The following JCAD variants were observed in gnomAD, a reference collection of about 807,000 sequenced individuals.
JCAD encodes junctional cadherin 5 associated, also known as junctional cadherin 5-associated protein.
Under a neutral mutation model 98.0 loss-of-function variants are expected in JCAD, and 40 were observed. That is an observed-to-expected ratio of 0.41 (90% confidence interval 0.32 to 0.53). The LOEUF is 0.53. JCAD is among the 20% of genes least tolerant of loss of function. The pLI, the probability that JCAD is intolerant of heterozygous loss-of-function variation, is 0.31. For synonymous variants in JCAD, 691 were observed against 682.3 expected (o/e 1.01, Z -0.20); for missense variants, 1,705 against 1,738.1 (o/e 0.98, Z 0.34).
chr10:30,039,143 T>C (rs1239494018), intron 2 of JCAD, among the ~76,000 whole-genome samples: 1 of 152,184 alleles, frequency 6.6e-6, no homozygotes, highest in Non-Finnish European at 1.5e-5. Flanking sequence ...GCAGACTCCC[T>C]AGAGGGCCAG....
intron 2 of JCAD, among the ~76,000 whole-genome samples, chr10:30,041,017 G>A (rs774352351): frequency 2.6e-5 from 4 of 152,052 alleles, no homozygotes; most frequent in East Asian, 3.9e-4. Flanking sequence ...CAGTGCTGCC[G>A]CTGGATCTTC....
intron 1 of JCAD, among the ~76,000 whole-genome samples, chr10:30,115,191 GCT>G (rs1250293606): frequency 6.6e-6 from 1 of 152,178 alleles, no homozygotes; most frequent in Admixed American, 6.5e-5. Flanking sequence ...TGATTCTGCA[GCT>G]CTCTCTCCAG....
At chr10:30,062,852 A>G (rs1837721923), upstream of JCAD, among the ~76,000 whole-genome samples, 1 of 152,204 alleles carries the variant, frequency 6.6e-6, no homozygotes, top group African/African-American at 2.4e-5. Context: ...ATTACAACCC[A>G]AGGTGAGATT....
chr10:30,074,410 T>C (rs1016929856), intron 1 of JCAD, among the ~76,000 whole-genome samples: 1 of 152,176 alleles, frequency 6.6e-6, no homozygotes, highest in Non-Finnish European at 1.5e-5. Flanking sequence ...CTGGCTTCCA[T>C]ATGTTCCCAA....
chr10:30,040,842 C>T (rs1476642824), intron 2 of JCAD, among the ~76,000 whole-genome samples: 1 of 152,062 alleles, frequency 6.6e-6, no homozygotes, highest in African/African-American at 2.4e-5. Context: ...AAGACCCACT[C>T]GGGTCTCTTT....
chr10:30,108,990 A>G (rs1419457168), intron 1 of JCAD, among the ~76,000 whole-genome samples: 2 of 152,178 alleles, frequency 1.3e-5, no homozygotes, highest in Non-Finnish European at 2.9e-5. Context: ...CCTTGGCCCA[A>G]CTTGCTGGTT....
At position 30,047,693 on chromosome 10, in the gene JCAD, G is replaced by T. The variant is rs1274031276; in HGVS notation, c.120C>A (p.Gly40=). ...RQAARTGTRA[G]QGLQNGHEDG... ...CCTCATGCCCGTTCTGCAGGCCCTG[G>T]CCTGCTCGTGTCCCAGTCCTCGCTG... Residue 40 remains glycine, a synonymous_variant, in exon 2 of 4, where the codon GGC becomes GGA. Transcript: ENST00000375377. The T allele has an allele frequency of 3.1e-6, 5 of 1,614,124 alleles. No homozygotes were observed. Among genetic ancestry groups the T allele is most frequent in the Non-Finnish European group, 8.5e-7 (1 of 1,180,050 alleles).
intron 1 of JCAD, among the ~76,000 whole-genome samples, chr10:30,089,640 A>G (rs965393443): frequency 1.3e-5 from 2 of 152,138 alleles, no homozygotes; most frequent in East Asian, 3.9e-4. Flanking sequence ...AGAGTTCATT[A>G]GATAATTGCT....
chr10:30,029,144 A>G lies in JCAD; in HGVS notation c.1004T>C (p.Leu335Ser), dbSNP rs376500823. 129 of 1,614,056 alleles carry G rather than the reference A, an allele frequency of 8.0e-5. No homozygotes were observed. Among genetic ancestry groups the G allele is most frequent in the Non-Finnish European group, 1.0e-4 (123 of 1,180,032 alleles). The stretch of plus-strand genomic sequence containing the variant: ...CGGAGGCACGTACACTGGAGGTTCC[A>G]ATCCAGGGTCTGACAGGCAGAGCTC... ...RHELCLSDPGLEPPVYVPPPS... is the reference protein window; with the variant it reads ...RHELCLSDPGSEPPVYVPPPS... Residue 335 changes from leucine to serine, a missense_variant, in exon 3 of 4, where the codon TTG becomes TCG. Around this residue, in one of 3 missense-constraint regions of JCAD, gnomAD observed 275 missense variants for 346.9 expected, o/e 0.79. Coordinates refer to ENST00000375377, the MANE Select transcript of JCAD (RefSeq NM_020848.4).
At chr10:30,087,979 T>C (rs1258225835) in intron 1 of JCAD, among the ~76,000 whole-genome samples, 4 of 152,204 alleles carry the variant, frequency 2.6e-5, no homozygotes, top group African/African-American at 9.6e-5. Flanking sequence ...TAGCTGGGAC[T>C]ACAGGCATGC....
intron 2 of JCAD, among the ~76,000 whole-genome samples, chr10:30,038,421 T>A (rs1185057264): frequency 1.3e-5 from 2 of 152,038 alleles, no homozygotes; most frequent in African/African-American, 4.8e-5. Context: ...CGGAGGTTCA[T>A]GCCTGTAATC....
At chr10:30,091,010 G>C (rs1838253071) in intron 1 of JCAD, among the ~76,000 whole-genome samples, 1 of 152,158 alleles carries the variant, frequency 6.6e-6, no homozygotes, top group African/African-American at 2.4e-5. Context: ...CAGACCACAG[G>C]TGCACACGCT....
chr10:30,044,716 A>C, intron 2 of JCAD: 2 of 454,186 alleles, frequency 4.4e-6, no homozygotes, highest in Non-Finnish European at 5.7e-6. Flanking sequence ...TTAACTATTG[A>C]CACCTATTTA....
intron 2 of JCAD, among the ~76,000 whole-genome samples, chr10:30,032,468 T>C (rs945302196): frequency 1.3e-4 from 20 of 152,156 alleles, no homozygotes; most frequent in African/African-American, 4.8e-4. Context: ...ACTAGGGCCA[T>C]GTAATAGGGA....
At position 30,059,216 on chromosome 10, in the gene JCAD, G is replaced by T. The variant is rs969923912; in HGVS notation, c.-60+266C>A. Reference sequence around the variant, plus strand: ...CCGGGACCCCCGCGCTCCGAGCGGGGCACCTGAGGGGAGGGGACGCCCCTC... The same window carrying T: ...CCGGGACCCCCGCGCTCCGAGCGGGTCACCTGAGGGGAGGGGACGCCCCTC... On this transcript the variant is annotated intron_variant, in intron 1 of 3. Transcript: ENST00000375377. This position sits in a 1 kb window ranked among gnomAD's most constrained non-coding sequence, Gnocchi z 5.0. Among the ~76,000 whole-genome samples, 1 of 151,574 alleles carries T rather than the reference G, an allele frequency of 6.6e-6. No individual in the cohort carries two copies. The highest frequency in any genetic ancestry group is 1.5e-5 in the Non-Finnish European group (1 of 67,834).
chr10:30,081,048 A>G (rs2132682789), intron 1 of JCAD, among the ~76,000 whole-genome samples: 1 of 152,350 alleles, frequency 6.6e-6, no homozygotes. Flanking sequence ...AGAACAATGG[A>G]ACATATCTTT....
intron 1 of JCAD, among the ~76,000 whole-genome samples, chr10:30,082,353 G>A (rs1234313270): frequency 6.6e-6 from 1 of 151,986 alleles, no homozygotes; most frequent in Non-Finnish European, 1.5e-5. Context: ...CTCACAAACT[G>A]CAAAAAATAA....
intron 1 of JCAD, among the ~76,000 whole-genome samples, chr10:30,080,493 T>C (rs1198763592): frequency 6.6e-6 from 1 of 152,240 alleles, no homozygotes; most frequent in African/African-American, 2.4e-5. Context: ...TCTACAGACT[T>C]AGATTTCCTA....
intron 1 of JCAD, among the ~76,000 whole-genome samples, chr10:30,049,876 G>C (rs141301297): frequency 1.3e-5 from 2 of 152,156 alleles, no homozygotes; most frequent in Admixed American, 1.3e-4. Context: ...ATAAATACTT[G>C]TTGAGAAAAT....
Sources: gnomAD v4.1 joint callset for allele counts (sites outside exome capture counted in the v4.1 genomes callset) on GRCh38, gnomAD v4.1.1 for gene constraint, gnomAD v4.1.1 regional missense constraint, Gnocchi (gnomAD v3.1) non-coding constraint, MANE v1.5 for transcripts, NCBI Gene and HGNC (gene_info 2026-07-23, HGNC 2026-07-21) for gene names.